Variants in SPRY3 observed in about 807,000 individuals in gnomAD.
SPRY3 encodes protein sprouty homolog 3.
A neutral mutation model predicts 20.2 loss-of-function variants in SPRY3; 15 were observed. That is an observed-to-expected ratio of 0.74 (90% CI 0.50 to 1.14). The LOEUF (loss-of-function observed/expected upper bound fraction) is 1.14. Ranked by LOEUF, SPRY3 falls within the 50% of genes most tolerant of loss-of-function variation. SPRY3 has a pLI of 0.00. For missense variants in SPRY3, 364 were observed against 363.9 expected (o/e 1.00, Z 0.00); for synonymous variants, 143 against 136.5 (o/e 1.05, Z -0.33).
chrX:155,695,709 C>G (rs911313741), intron 2 of SPRY3, among the ~76,000 whole-genome samples: 1 of 110,893 alleles, frequency 9.0e-6, no homozygotes, highest in Non-Finnish European at 1.9e-5. Context: ...TATTTACATT[C>G]ATTTTCTTTT....
At chrX:155,761,312 T>C (rs2031534347) in intron 2 of SPRY3, among the ~76,000 whole-genome samples, 1 of 152,204 alleles carries the variant, frequency 6.6e-6, no homozygotes, top group Non-Finnish European at 1.5e-5. Flanking sequence ...TGCTTACTCC[T>C]TCTCTTGTTT....
chrX:155,729,837 C>G (rs748474867), intron 2 of SPRY3, among the ~76,000 whole-genome samples: 7 of 151,652 alleles, frequency 4.6e-5, no homozygotes, highest in African/African-American at 1.7e-4. Flanking sequence ...AAAAGATAGA[C>G]GATGCAAATA....
At chrX:155,779,375 A>C (rs1209712942), downstream of SPRY3, 1 of 166,988 alleles carries the variant, frequency 6.0e-6, no homozygotes, top group Non-Finnish European at 1.5e-5. Context: ...GAGATAACCT[A>C]CCACCTTTAA....
intron 2 of SPRY3, among the ~76,000 whole-genome samples, chrX:155,731,532 A>G (rs142391572): frequency 0.02 from 3,076 of 152,232 alleles, 104 homozygotes; most frequent in Admixed American, 0.092. Context: ...ACTTAAATCT[A>G]ATATCTCAAA....
chrX:155,753,095 T>C lies in SPRY3; in HGVS notation c.-281-14867T>C, dbSNP rs181041805. ...ATGTATTCTTTAAAAAACAGCTTTA[T>C]TGAAACATAATTCACATGCAATAAG... On this transcript the variant is annotated intron_variant, in intron 2 of 3. Coordinates refer to ENST00000675360, the Ensembl canonical transcript of SPRY3. Among the ~76,000 whole-genome samples, 403 of 152,012 alleles carry C rather than the reference T, an allele frequency of 2.7e-3. 3 individuals carry two copies. In the Middle Eastern group the frequency reaches 0.068, roughly 26 times the overall value.
intron 2 of SPRY3, among the ~76,000 whole-genome samples, chrX:155,749,936 G>A (rs2091252513): frequency 1.3e-5 from 2 of 151,702 alleles, no homozygotes; most frequent in African/African-American, 4.8e-5. Flanking sequence ...ATTAATTTGA[G>A]AGTTATTTAA....
chrX:155,682,287 C>T (rs939458872), intron 2 of SPRY3, among the ~76,000 whole-genome samples: 1 of 112,506 alleles, frequency 8.9e-6, no homozygotes, highest in East Asian at 2.8e-4. Context: ...ATTTAAAGCC[C>T]ATTGTGGATA....
chrX:155,661,893 G>C (rs526172), intron 2 of SPRY3, among the ~76,000 whole-genome samples: 1 of 110,375 alleles, frequency 9.1e-6, no homozygotes, highest in Non-Finnish European at 1.9e-5. Context: ...TTCTGTATGG[G>C]TTTTTAAAAA....
At chrX:155,737,336 G>C (rs1157395723) in intron 2 of SPRY3, among the ~76,000 whole-genome samples, 1 of 151,960 alleles carries the variant, frequency 6.6e-6, no homozygotes, top group Non-Finnish European at 1.5e-5. Context: ...ATTCAGGCAG[G>C]GTGCTAGTTA....
At chrX:155,773,996 C>G (rs1190511673) in exon 4 of SPRY3, 1 of 1,613,852 alleles carries the variant, frequency 6.2e-7, no homozygotes, top group African/African-American at 1.3e-5. Flanking sequence ...CTCTCCAGCC[C>G]TTCCCTTATT....
At chrX:155,618,427 T>G (rs1432685901) in intron 1 of SPRY3, among the ~76,000 whole-genome samples, 1 of 111,783 alleles carries the variant, frequency 8.9e-6, no homozygotes, top group Non-Finnish European at 1.9e-5. Context: ...AATAACCCAC[T>G]GAAGAACATT....
intron 2 of SPRY3, among the ~76,000 whole-genome samples, chrX:155,685,526 G>A (rs1178645066): frequency 1.1e-5 from 1 of 92,897 alleles, no homozygotes; most frequent in African/African-American, 4.0e-5. Flanking sequence ...ATTAAGCCTA[G>A]TACCCATGAG....
At chrX:155,683,412 T>C (rs1292040740) in intron 2 of SPRY3, among the ~76,000 whole-genome samples, 2 of 112,189 alleles carry the variant, frequency 1.8e-5, no homozygotes, top group African/African-American at 3.2e-5. Context: ...CAAGACCTTC[T>C]ACCAGCAAAA....
chrX:155,760,975 A>G (rs1020761962), intron 2 of SPRY3, among the ~76,000 whole-genome samples: 15 of 152,238 alleles, frequency 9.9e-5, no homozygotes, highest in African/African-American at 3.6e-4. Context: ...CTAATATTGA[A>G]TGCTTTTAAA....
chrX:155,716,034 T>A (rs1401078307), intron 2 of SPRY3, among the ~76,000 whole-genome samples: 1 of 152,152 alleles, frequency 6.6e-6, no homozygotes, highest in Non-Finnish European at 1.5e-5. Context: ...GGTACCGTGA[T>A]TGCTCATCTG....
At chrX:155,657,739 C>G (rs2067996583) in intron 2 of SPRY3, among the ~76,000 whole-genome samples, 1 of 112,138 alleles carries the variant, frequency 8.9e-6, no homozygotes, top group Non-Finnish European at 1.9e-5. Context: ...AACCCAGAGC[C>G]CTGGTGGTGT....
chrX:155,616,532 C>G (rs1341527836), intron 1 of SPRY3, among the ~76,000 whole-genome samples: 1 of 110,873 alleles, frequency 9.0e-6, no homozygotes, highest in Admixed American at 9.6e-5. Flanking sequence ...GGCCTTGGAT[C>G]AAATGATGCA....
rs146502728 is a variant in SPRY3 at position 155,684,012 on chromosome X, C to T, written c.-282+26987C>T. 3.3e-3 allele frequency among the ~76,000 whole-genome samples: 358 copies of T among 109,826 alleles called. 7 individuals carry two copies. Among genetic ancestry groups the T allele is most frequent in the Admixed American group, 0.024 (248 of 10,334 alleles). On this transcript the variant is annotated intron_variant, in intron 2 of 3. Coordinates refer to ENST00000675360, the Ensembl canonical transcript of SPRY3. ...CTGAGAGGTCAAGGAAGATGGGGGC[C>T]GACAGGTGGCCAGGGGTGGTGACAC...
rs1294717224 is a variant in SPRY3, at chrX:155,657,026, G to T, written c.-282+1G>T. Among the ~76,000 whole-genome samples the T allele has an allele frequency of 9.0e-6, 1 of 111,333 alleles. No homozygotes were observed. The highest frequency in any genetic ancestry group is 3.3e-5 in the African/African-American group (1 of 30,623). On this transcript the variant is annotated splice_donor_variant, in intron 2 of 3. Coordinates refer to ENST00000675360, the Ensembl canonical transcript of SPRY3. LOFTEE classifies it low-confidence loss of function (5UTR_SPLICE). Reference sequence around the variant, plus strand: ...GCCAGCCAGAGCTCTCCTGTATGAGGTATCTGTCAACCCCTCTTGGAAGGT... The same window carrying T: ...GCCAGCCAGAGCTCTCCTGTATGAGTTATCTGTCAACCCCTCTTGGAAGGT...
Sources: gnomAD v4.1 joint callset for allele counts (sites outside exome capture counted in the v4.1 genomes callset) on GRCh38, gnomAD v4.1.1 for gene constraint, MANE v1.5 for transcripts, NCBI Gene and HGNC (gene_info 2026-07-23, HGNC 2026-07-21) for gene names.